MRPS9: variants seen among roughly 807,000 people sequenced by gnomAD.
MRPS9 encodes small ribosomal subunit protein uS9m.
A neutral mutation model predicts 59.9 loss-of-function variants in MRPS9; 45 were observed. That is an observed-to-expected ratio of 0.75 (90% CI 0.59 to 0.96). The LOEUF (loss-of-function observed/expected upper bound fraction) is 0.96, where lower values mean the gene tolerates loss of function less well. Among genes scored for constraint, MRPS9 ranks in the 40% least tolerant of loss-of-function variants. MRPS9 has a pLI of 0.00. For synonymous variants in MRPS9, 171 were observed against 166.8 expected, an observed-to-expected ratio of 1.03 and a Z score of -0.19; for missense variants, 473 against 481.1, an observed-to-expected ratio of 0.98 and a Z score of 0.16.
intron 5 of MRPS9, among the ~76,000 whole-genome samples, chr2:105,088,150 A>G (rs1220899420): frequency 6.6e-6 from 1 of 151,696 alleles, no homozygotes; most frequent in East Asian, 1.9e-4. Context: ...TCTCTGGCTC[A>G]TTCTTTTAAA....
intron 5 of MRPS9, among the ~76,000 whole-genome samples, chr2:105,088,006 A>G (rs950431194): frequency 5.3e-5 from 8 of 151,966 alleles, no homozygotes; most frequent in Admixed American, 3.3e-4. Flanking sequence ...GCCCCTGAAA[A>G]CTTGAAATTA....
At chr2:105,060,345 A>G (rs1679876784) in intron 2 of MRPS9, among the ~76,000 whole-genome samples, 1 of 152,138 alleles carries the variant, frequency 6.6e-6, no homozygotes, top group Non-Finnish European at 1.5e-5. Flanking sequence ...GTAGTGGTGC[A>G]ATCTCAGCTC....
chr2:105,060,332 A>G (rs1426410819), intron 2 of MRPS9, among the ~76,000 whole-genome samples: 1 of 151,874 alleles, frequency 6.6e-6, no homozygotes, highest in Admixed American at 6.6e-5. Flanking sequence ...CCCAGGCTGG[A>G]GTGTAGTGGT....
At chr2:105,098,386 G>A (rs992470011) in intron 10 of MRPS9, 2 of 152,202 alleles carry the variant, frequency 1.3e-5, no homozygotes, top group Admixed American at 6.5e-5. Context: ...CTGTGCACCA[G>A]ACCTTCTAGT....
intron 2 of MRPS9, among the ~76,000 whole-genome samples, chr2:105,053,695 A>C (rs541728671): frequency 6.6e-6 from 1 of 152,312 alleles, no homozygotes; most frequent in Admixed American, 6.5e-5. Flanking sequence ...TGGTTCTCAA[A>C]ATATAGAATT....
At chr2:105,056,093 A>G (rs938352650) in intron 2 of MRPS9, among the ~76,000 whole-genome samples, 1 of 152,142 alleles carries the variant, frequency 6.6e-6, no homozygotes, top group South Asian at 2.1e-4. Flanking sequence ...CTACTACCAC[A>G]TACTAAAAAC....
intron 5 of MRPS9, among the ~76,000 whole-genome samples, chr2:105,081,934 G>GA (rs1442586609): frequency 1.3e-5 from 2 of 152,128 alleles, no homozygotes; most frequent in African/African-American, 4.8e-5. Flanking sequence ...CACATATCAC[G>GA]ATCATCTGCA....
intron 4 of MRPS9, among the ~76,000 whole-genome samples, chr2:105,073,045 CTTACA>C (rs1172867644): frequency 6.6e-6 from 1 of 152,132 alleles, no homozygotes; most frequent in African/African-American, 2.4e-5. Context: ...GGCACAGTAA[CTTACA>C]TTAAACACCT....
At chr2:105,050,392 A>G (rs1305315376) in intron 2 of MRPS9, among the ~76,000 whole-genome samples, 1 of 152,126 alleles carries the variant, frequency 6.6e-6, no homozygotes, top group Non-Finnish European at 1.5e-5. Flanking sequence ...CACCCATCTC[A>G]GCCTCCCAAA....
At chr2:105,065,800 T>C (rs940622848) in intron 2 of MRPS9, among the ~76,000 whole-genome samples, 8 of 152,246 alleles carry the variant, frequency 5.3e-5, no homozygotes, top group African/African-American at 1.7e-4. Flanking sequence ...TCTCTTGTTA[T>C]ATGTATTTGT....
intron 4 of MRPS9, among the ~76,000 whole-genome samples, chr2:105,079,245 C>T (rs1180676167): frequency 6.6e-6 from 1 of 152,052 alleles, no homozygotes; most frequent in Admixed American, 6.6e-5. Flanking sequence ...CTGTAATGGA[C>T]CAGGAAGTAT....
intron 2 of MRPS9, among the ~76,000 whole-genome samples, chr2:105,058,257 T>A (rs1021147909): frequency 4.6e-5 from 7 of 152,114 alleles, no homozygotes; most frequent in African/African-American, 1.7e-4. Context: ...AATTAGCACC[T>A]GTACATTAGT....
intron 9 of MRPS9, among the ~76,000 whole-genome samples, chr2:105,096,850 A>T (rs1680671032): frequency 6.6e-6 from 1 of 152,166 alleles, no homozygotes; most frequent in African/African-American, 2.4e-5. Flanking sequence ...CAACTGTAAG[A>T]CTTCTTTACG....
At chr2:105,069,403 C>T (rs934115905) in intron 2 of MRPS9, among the ~76,000 whole-genome samples, 1 of 151,922 alleles carries the variant, frequency 6.6e-6, no homozygotes, top group Non-Finnish European at 1.5e-5. Flanking sequence ...TTAGTAGATA[C>T]GGGGTTTCAC....
chr2:105,097,420 A>G (rs996406368), intron 10 of MRPS9, 96 bp downstream of exon 10: 2 of 1,084,146 alleles, frequency 1.8e-6, no homozygotes, highest in African/African-American at 1.6e-5. Context: ...AAGAAAATAT[A>G]TAGTTACATA....
At position 105,038,152 on chromosome 2, in the gene MRPS9, T is replaced by C; in HGVS notation, c.60T>C (p.Gly20=). ...GAVSYRLLLW[G]RGSLARKQGL... ...TTTCGTACCGGCTTCTTCTCTGGGG[T>C]AGGGGTAGCCTCGCCCGGAAGCAAG... The change falls in exon 1 of 11, where the codon GGT becomes GGC. Residue 20 remains glycine, a synonymous_variant. Coordinates refer to ENST00000258455, the MANE Select transcript of MRPS9 (RefSeq NM_182640.3). 1.9e-6 allele frequency: 3 copies of C among 1,613,094 alleles called. No individual in the cohort carries two copies. The highest frequency in any genetic ancestry group is 2.5e-6 in the Non-Finnish European group (3 of 1,179,724).
chr2:105,072,150 T>C (rs73945029), intron 4 of MRPS9, among the ~76,000 whole-genome samples: 1 of 152,094 alleles, frequency 6.6e-6, no homozygotes, highest in Non-Finnish European at 1.5e-5. Flanking sequence ...CTAGAAATCA[T>C]TTCTTTAAAA....
At chr2:105,068,320 C>A (rs1416359101) in intron 2 of MRPS9, among the ~76,000 whole-genome samples, 1 of 152,098 alleles carries the variant, frequency 6.6e-6, no homozygotes, top group Non-Finnish European at 1.5e-5. Context: ...AATAAAATAT[C>A]AGTCTCCATA....
chr2:105,051,273 T>A (rs1173726089), intron 2 of MRPS9, among the ~76,000 whole-genome samples: 1 of 152,224 alleles, frequency 6.6e-6, no homozygotes, highest in East Asian at 1.9e-4. Flanking sequence ...GGACATTCAG[T>A]TGTTCCGGCA....
Sources: gnomAD v4.1 joint callset for allele counts (sites outside exome capture counted in the v4.1 genomes callset) on GRCh38, gnomAD v4.1.1 for gene constraint, MANE v1.5 for transcripts, NCBI Gene and HGNC (gene_info 2026-07-23, HGNC 2026-07-21) for gene names.